The following XRCC4 variants were observed in gnomAD, a reference collection of about 807,000 sequenced individuals.
XRCC4 encodes the protein X-ray repair cross complementing 4, also known as DNA repair protein XRCC4.
In XRCC4, 28 loss-of-function variants were observed where a neutral mutation model predicts 39.1. The ratio of observed to expected loss-of-function variants is 0.72; its 90% confidence interval spans 0.53 to 0.98. XRCC4 has a LOEUF of 0.98. Among genes scored for constraint, XRCC4 ranks in the 50% least tolerant of loss-of-function variants. The pLI is 0.00. For missense variants in XRCC4, 350 were observed against 376.4 expected (o/e 0.93, Z 0.58); for synonymous variants, 123 against 126.4 (o/e 0.97, Z 0.18).
chr5:83,259,437 C>T (rs533655606), intron 7 of XRCC4: 2 of 152,038 alleles, frequency 1.3e-5, no homozygotes, highest in African/African-American at 4.8e-5. Context: ...AATGAGGGTA[C>T]CTGGGGTTTT....
At chr5:83,131,023 G>T (rs1453724630) in intron 3 of XRCC4, among the ~76,000 whole-genome samples, 2 of 152,002 alleles carry the variant, frequency 1.3e-5, no homozygotes, top group Non-Finnish European at 2.9e-5. Flanking sequence ...TTTTGAATAT[G>T]TTTGCTCTTG....
chr5:83,274,078 G>A (rs1201558581), intron 7 of XRCC4, among the ~76,000 whole-genome samples: 1 of 152,062 alleles, frequency 6.6e-6, no homozygotes, highest in Non-Finnish European at 1.5e-5. Flanking sequence ...TACCTACCTC[G>A]TTAAAATTAA....
At chr5:83,371,772 C>T in the XRCC4 span, among the ~76,000 whole-genome samples, 1 of 152,096 alleles carries the variant, frequency 6.6e-6, no homozygotes, top group Non-Finnish European at 1.5e-5. Flanking sequence ...GGGCTGACTG[C>T]AGGAACATAC....
At chr5:83,260,830 T>C (rs1753722479) in intron 7 of XRCC4, among the ~76,000 whole-genome samples, 1 of 152,082 alleles carries the variant, frequency 6.6e-6, no homozygotes, top group East Asian at 1.9e-4. Flanking sequence ...GTAAACCATA[T>C]CAGCTTTGGT....
At chr5:83,192,424 C>T (rs1357172377) in intron 3 of XRCC4, among the ~76,000 whole-genome samples, 2 of 151,414 alleles carry the variant, frequency 1.3e-5, no homozygotes, top group Non-Finnish European at 2.9e-5. Context: ...TCTCCTGCCT[C>T]AACCTCCTGA....
chr5:83,146,983 C>T (rs1748485259), intron 3 of XRCC4, among the ~76,000 whole-genome samples: 1 of 152,182 alleles, frequency 6.6e-6, no homozygotes, highest in Non-Finnish European at 1.5e-5. Flanking sequence ...AGCAGTTAAT[C>T]ATACTGAATC....
the XRCC4 span, among the ~76,000 whole-genome samples, chr5:83,366,493 C>T: frequency 6.6e-6 from 1 of 152,202 alleles, no homozygotes; most frequent in Non-Finnish European, 1.5e-5. Context: ...CAACTAGTCA[C>T]CCTACAACTC....
intron 7 of XRCC4, among the ~76,000 whole-genome samples, chr5:83,324,343 T>G (rs1411026534): frequency 1.3e-5 from 2 of 152,156 alleles, no homozygotes; most frequent in Non-Finnish European, 2.9e-5. Flanking sequence ...TCCATCTACC[T>G]TTCAGGCACA....
intron 6 of XRCC4, among the ~76,000 whole-genome samples, chr5:83,216,038 G>C (rs934011604): frequency 2.6e-4 from 39 of 152,056 alleles, no homozygotes; most frequent in African/African-American, 9.2e-4. Context: ...GCCATGAATT[G>C]GGAGAAAATA....
intron 7 of XRCC4, among the ~76,000 whole-genome samples, chr5:83,270,014 C>CTT (rs200521546): frequency 1.5e-5 from 1 of 65,944 alleles, no homozygotes; most frequent in East Asian, 4.8e-3. Context: ...TTGTTTTCCT[C>CTT]ACCTCACAAA....
chr5:83,273,033 A>G (rs937597570), intron 7 of XRCC4, among the ~76,000 whole-genome samples: 3 of 152,080 alleles, frequency 2.0e-5, no homozygotes, highest in Non-Finnish European at 4.4e-5. Flanking sequence ...ACTAATTTAC[A>G]CTCCCACCAA....
At chr5:83,348,131 G>A (rs547630755) in intron 7 of XRCC4, among the ~76,000 whole-genome samples, 1 of 152,316 alleles carries the variant, frequency 6.6e-6, no homozygotes, top group South Asian at 2.1e-4. Context: ...CTGGTATTGA[G>A]TGCCTGCAGC....
Position 83,187,165 on chromosome 5 carries a change from G to C in XRCC4, c.316-8605G>C. ...TCACCGCGTTAGCCAGGATGGTCTC[G>C]ATCTCCTGACCTCATGATCCGCCCG... is the stretch of plus-strand genomic sequence containing the variant. On this transcript the variant is annotated intron_variant, in intron 3 of 7. Coordinates refer to ENST00000396027, the MANE Select transcript of XRCC4 (RefSeq NM_003401.5). Among the ~76,000 whole-genome samples, 2 of 120,430 alleles carry C rather than the reference G, an allele frequency of 1.7e-5. 1 individual carries two copies. Among genetic ancestry groups the C allele is most frequent in the Non-Finnish European group, 3.6e-5 (2 of 55,856 alleles). 79.0% of individuals were successfully genotyped at this position (120,430 alleles called of 152,430 possible).
intron 3 of XRCC4, among the ~76,000 whole-genome samples, chr5:83,161,678 A>G (rs1326770098): frequency 6.6e-6 from 1 of 152,226 alleles, no homozygotes; most frequent in African/African-American, 2.4e-5. Flanking sequence ...CAAGTTACTC[A>G]TGAAATACTG....
chr5:83,138,015 A>G (rs1580276626), intron 3 of XRCC4, among the ~76,000 whole-genome samples: 1 of 152,158 alleles, frequency 6.6e-6, no homozygotes, highest in East Asian at 1.9e-4. Context: ...ATTTCTCAGC[A>G]AACATTTATC....
chr5:83,306,743 C>T (rs1466859217), intron 7 of XRCC4, among the ~76,000 whole-genome samples: 1 of 152,192 alleles, frequency 6.6e-6, no homozygotes, highest in African/African-American at 2.4e-5. Flanking sequence ...TAAGACTGAT[C>T]GGGCAACAGG....
At chr5:83,210,677 T>C (rs751797094) in intron 6 of XRCC4, among the ~76,000 whole-genome samples, 3 of 152,136 alleles carry the variant, frequency 2.0e-5, no homozygotes, top group Non-Finnish European at 4.4e-5. Flanking sequence ...TTCTCCTATA[T>C]AGAAAAAAGA....
At position 83,176,628 on chromosome 5, in the gene XRCC4, A is replaced by ATTTT. The variant is rs112213729; in HGVS notation, c.316-19131_316-19128dup. 6.7e-3 allele frequency among the ~76,000 whole-genome samples: 979 copies of ATTTT among 145,796 alleles called. 13 individuals carry two copies. The highest frequency in any genetic ancestry group is 0.024 in the African/African-American group (933 of 39,540). On this transcript the variant is annotated intron_variant, in intron 3 of 7. Transcript: ENST00000396027. ...TACAATAGGCATATAAAGTATTGGA[A>ATTTT]TTTTTTTTTTTTTTGACAAGGTCTC...
intron 7 of XRCC4, among the ~76,000 whole-genome samples, chr5:83,314,922 C>A (rs1338226746): frequency 6.6e-6 from 1 of 152,036 alleles, no homozygotes; most frequent in African/African-American, 2.4e-5. Flanking sequence ...TCTAAGTGTT[C>A]AGATGAAAGG....
Sources: allele counts gnomAD v4.1 joint callset (sites outside exome capture counted in the v4.1 genomes callset), GRCh38; gene constraint gnomAD v4.1.1; transcripts MANE v1.5; gene names NCBI Gene and HGNC (gene_info 2026-07-23, HGNC 2026-07-21).